The following ASTN2 variants were observed in gnomAD, a reference collection of about 807,000 sequenced individuals.
ASTN2 encodes astrotactin 2, also known as astrotactin-2.
Under a neutral mutation model 139.8 loss-of-function variants are expected in ASTN2, and 54 were observed. The ratio of observed to expected loss-of-function variants is 0.39; its 90% confidence interval spans 0.31 to 0.48. The LOEUF is 0.48. Among genes scored for constraint, ASTN2 ranks in the 20% least tolerant of loss-of-function variants. ASTN2 has a pLI of 0.95. For missense variants in ASTN2, 1,565 were observed against 1,725.1 expected (o/e 0.91, Z 1.64); for synonymous variants, 756 against 719.5 (o/e 1.05, Z -0.81).
chr9:117,263,550 C>A (rs1032398253), intron 2 of ASTN2, among the ~76,000 whole-genome samples: 1 of 152,144 alleles, frequency 6.6e-6, no homozygotes, highest in African/African-American at 2.4e-5. Context: ...CGTATAGCTT[C>A]AGTCATTGAT....
intron 10 of ASTN2, among the ~76,000 whole-genome samples, chr9:116,904,414 T>C (rs1759063021): frequency 1.3e-5 from 2 of 152,158 alleles, no homozygotes; most frequent in South Asian, 2.1e-4. Flanking sequence ...AGGCTGTTCA[T>C]ATTTAAGAGG....
At chr9:116,579,633 C>A (rs10114809) in intron 19 of ASTN2, among the ~76,000 whole-genome samples, 1 of 152,136 alleles carries the variant, frequency 6.6e-6, no homozygotes, top group African/African-American at 2.4e-5. Context: ...GTAGACCCAG[C>A]GGCTTGAGAG....
Position 116,863,719 on chromosome 9 carries a change from A to G in ASTN2, c.1904T>C (p.Leu635Pro), listed in dbSNP as rs751759082. 6.2e-7 allele frequency: 1 copy of G among 1,612,898 alleles called. No homozygotes were observed. Among genetic ancestry groups the G allele is most frequent in the South Asian group, 1.1e-5 (1 of 90,754 alleles). ...DPADVREEAMLSTYFETINDL... is the reference protein window; with the variant it reads ...DPADVREEAMPSTYFETINDL... ...ATTGATGGTTTCAAAGTATGTGGACAGCATCGCTTCTTCCCTTGGAGAGAA... is the reference window on the plus strand; with the variant it reads ...ATTGATGGTTTCAAAGTATGTGGACGGCATCGCTTCTTCCCTTGGAGAGAA... Residue 635 changes from leucine (L) to proline (P), a missense_variant, in exon 11 of 23, where the codon CTG (leucine) becomes CCG (proline). Physicochemically the swap from Leu to Pro is moderately conservative, Grantham distance 98. Transcript: ENST00000313400.
At chr9:116,995,517 C>T (rs943895763) in intron 7 of ASTN2, among the ~76,000 whole-genome samples, 1 of 152,166 alleles carries the variant, frequency 6.6e-6, no homozygotes, top group South Asian at 2.1e-4. Flanking sequence ...GAGGAAAAAG[C>T]AGTGGATAAT....
intron 2 of ASTN2, among the ~76,000 whole-genome samples, chr9:117,255,187 T>C (rs556375851): frequency 1.3e-5 from 2 of 152,290 alleles, no homozygotes; most frequent in South Asian, 4.1e-4. Context: ...CCTCTGGACT[T>C]CCAGAGAGAG....
At chr9:117,041,857 A>G (rs1838582541) in intron 5 of ASTN2, among the ~76,000 whole-genome samples, 1 of 151,970 alleles carries the variant, frequency 6.6e-6, no homozygotes, top group African/African-American at 2.4e-5. Context: ...TTTCCTTGTC[A>G]CCCCATCACT....
At chr9:117,341,240 T>C (rs1274155392) in intron 1 of ASTN2, among the ~76,000 whole-genome samples, 5 of 151,838 alleles carry the variant, frequency 3.3e-5, no homozygotes, top group Admixed American at 2.6e-4. Flanking sequence ...AGAAAGTAAA[T>C]GTTCATGAAT....
chr9:116,683,615 G>A (rs1240067528), intron 16 of ASTN2, among the ~76,000 whole-genome samples: 3 of 152,198 alleles, frequency 2.0e-5, no homozygotes, highest in South Asian at 4.1e-4. Context: ...GATAGCTGAT[G>A]TGTTAAGCAT....
intron 17 of ASTN2, among the ~76,000 whole-genome samples, chr9:116,633,977 A>T (rs1325215234): frequency 6.6e-6 from 1 of 152,164 alleles, no homozygotes; most frequent in African/African-American, 2.4e-5. Flanking sequence ...AACCCAGGAA[A>T]GGATGTTACA....
At chr9:116,986,112 C>T (rs975578963) in intron 7 of ASTN2, among the ~76,000 whole-genome samples, 4 of 152,038 alleles carry the variant, frequency 2.6e-5, no homozygotes, top group Non-Finnish European at 5.9e-5. Context: ...GTGTCGTTAT[C>T]GTGATTGCTG....
intron 1 of ASTN2, among the ~76,000 whole-genome samples, chr9:117,378,084 G>C (rs912423060): frequency 6.6e-6 from 1 of 152,202 alleles, no homozygotes; most frequent in Non-Finnish European, 1.5e-5. Flanking sequence ...GGCTTTATAT[G>C]TTAATTCTGT....
chr9:117,093,580 A>G (rs953327887), intron 5 of ASTN2, among the ~76,000 whole-genome samples: 1 of 152,028 alleles, frequency 6.6e-6, no homozygotes, highest in African/African-American at 2.4e-5. Flanking sequence ...CCTTTTTCCC[A>G]TTAAGTCAGT....
intron 18 of ASTN2, 86 bp from the exon 19 acceptor site, chr9:116,618,558 T>C (rs1564158589): frequency 7.0e-7 from 1 of 1,437,076 alleles, no homozygotes; most frequent in Non-Finnish European, 9.3e-7. Context: ...AGATGAAGCA[T>C]AGGTTTCAGT....
intron 16 of ASTN2, among the ~76,000 whole-genome samples, chr9:116,670,742 G>A (rs1055393504): frequency 6.6e-6 from 1 of 152,116 alleles, no homozygotes; most frequent in African/African-American, 2.4e-5. Flanking sequence ...TTAGGCCTAT[G>A]AGAAATTTTC....
intron 1 of ASTN2, among the ~76,000 whole-genome samples, chr9:117,358,309 TCCACAC>T (rs1322926142): frequency 6.7e-6 from 1 of 148,874 alleles, no homozygotes. Context: ...CACATCCACA[TCCACAC>T]ACATACCCAA....
intron 1 of ASTN2, among the ~76,000 whole-genome samples, chr9:117,343,296 T>C (rs190078531): frequency 2.6e-5 from 4 of 152,336 alleles, no homozygotes; most frequent in African/African-American, 9.6e-5. Flanking sequence ...CAGAATTTTA[T>C]AGTTACTTTT....
chr9:117,083,872 G>A (rs1051434749), intron 5 of ASTN2, among the ~76,000 whole-genome samples: 10 of 152,120 alleles, frequency 6.6e-5, no homozygotes, highest in Non-Finnish European at 1.5e-4. Flanking sequence ...AGGAAGAGGA[G>A]TACAGAGAAC....
At chr9:117,297,378 A>G (rs1300883013) in intron 1 of ASTN2, among the ~76,000 whole-genome samples, 1 of 152,226 alleles carries the variant, frequency 6.6e-6, no homozygotes, top group Admixed American at 6.5e-5. Flanking sequence ...GTCACACATC[A>G]AGTCTTGCTG....
chr9:117,168,399 G>A (rs1391931718), intron 3 of ASTN2, among the ~76,000 whole-genome samples: 2 of 152,098 alleles, frequency 1.3e-5, no homozygotes, highest in Non-Finnish European at 2.9e-5. Context: ...CTTTGATGAA[G>A]TATGAGAGTT....
Sources: gnomAD v4.1 joint callset for allele counts (sites outside exome capture counted in the v4.1 genomes callset) on GRCh38, gnomAD v4.1.1 for gene constraint, MANE v1.5 for transcripts, NCBI Gene and HGNC (gene_info 2026-07-23, HGNC 2026-07-21) for gene names.